The following ENPP3 variants were observed in gnomAD, a reference collection of about 807,000 sequenced individuals.
ENPP3 encodes ectonucleotide pyrophosphatase/phosphodiesterase family member 3.
A neutral mutation model predicts 117.8 loss-of-function variants in ENPP3; 104 were observed. The ratio of observed to expected loss-of-function variants is 0.88; its 90% CI spans 0.75 to 1.04. The LOEUF is 1.04. Among genes scored for constraint, ENPP3 ranks in the 50% least tolerant of loss-of-function variants. The probability of loss-of-function intolerance (pLI) is 0.00; values close to 1 mark genes in which losing one functional copy is unlikely to be tolerated. For missense variants in ENPP3, 1,026 were observed against 1,051.9 expected (o/e 0.98, Z 0.34); for synonymous variants, 380 against 349.9 (o/e 1.09, Z -0.96).
chr6:131,701,513 A>C (rs1289740340), intron 15 of ENPP3: 2 of 559,050 alleles, frequency 3.6e-6, no homozygotes, highest in Non-Finnish European at 6.4e-6. Flanking sequence ...AAGTGTTCAG[A>C]CAGCTGCAGT....
intron 2 of ENPP3, 45 bp downstream of exon 2, chr6:131,641,575 C>G (rs1245811622): frequency 1.7e-6 from 2 of 1,202,570 alleles, no homozygotes; most frequent in East Asian, 2.3e-5. Context: ...TATTTCTTCT[C>G]TCTTCTGGCC....
At chr6:131,723,130 C>A (rs1159875234) in intron 18 of ENPP3, among the ~76,000 whole-genome samples, 2 of 152,146 alleles carry the variant, frequency 1.3e-5, no homozygotes, top group East Asian at 3.9e-4. Flanking sequence ...AAATTAATGT[C>A]AAGGGTCATT....
chr6:131,719,361 A>G (rs1300638076), intron 16 of ENPP3, among the ~76,000 whole-genome samples: 4 of 144,184 alleles, frequency 2.8e-5, no homozygotes, highest in Non-Finnish European at 6.0e-5. Flanking sequence ...CAACCTGGTT[A>G]TCTCATCTAC....
At chr6:131,727,540 A>C (rs1019795356) in intron 20 of ENPP3, among the ~76,000 whole-genome samples, 1 of 133,116 alleles carries the variant, frequency 7.5e-6, no homozygotes, top group Non-Finnish European at 1.5e-5. Context: ...GAGCAACAAC[A>C]GTGAAAGTCC....
In ENPP3 at chr6:131,677,870, C is replaced by A; in HGVS notation, c.941C>A (p.Pro314His). 6.3e-7 allele frequency: 1 copy of A among 1,597,012 alleles called. No homozygotes were observed. The highest frequency in any genetic ancestry group is 8.6e-7 in the Non-Finnish European group (1 of 1,164,954). Reference protein sequence around the residue: ...KWLDLPKAERPRFYTMYFEEP... With the variant: ...KWLDLPKAERHRFYTMYFEEP... ...TTCTGTTTCAATTTTACCCCTAGAC[C>A]CAGGTTTTATACCATGTATTTTGAA... Residue 314 changes from proline to histidine, a missense_variant and splice_region_variant, in exon 11 of 25, where the codon CCC (proline) becomes CAC (histidine). Coordinates refer to ENST00000357639, the MANE Select transcript of ENPP3 (RefSeq NM_005021.5).
Position 131,733,618 on chromosome 6 carries a change from C to G in ENPP3, c.1984C>G (p.Pro662Ala), listed in dbSNP as rs1780332829. The G allele has an allele frequency of 6.2e-7, 1 of 1,614,014 alleles. No individual in the cohort carries two copies. The highest frequency in any genetic ancestry group is 8.5e-7 in the Non-Finnish European group (1 of 1,179,940). Residue 662 changes from proline (P) to alanine (A), a missense_variant, in exon 21 of 25, where the codon CCA becomes GCA. Physicochemically the swap from Pro to Ala is conservative, Grantham distance 27 (BLOSUM62 -1). Coordinates refer to ENST00000357639, the MANE Select transcript of ENPP3 (RefSeq NM_005021.5). The stretch of plus-strand genomic sequence containing the variant: ...CACATCGCCTCTGCCTCCCACTGTC[C>G]CAGACTGTCTGCGGGCTGATGTCAG... ...GDTSPLPPTV[P>A]DCLRADVRVP...
chr6:131,739,667 G>C (rs962738574), intron 23 of ENPP3, among the ~76,000 whole-genome samples: 1 of 126,870 alleles, frequency 7.9e-6, no homozygotes, highest in Admixed American at 1.1e-4. Context: ...GACTTCTACT[G>C]TAATCTCTAT....
intron 11 of ENPP3, among the ~76,000 whole-genome samples, chr6:131,679,027 T>TCTCTC (rs1562446886): frequency 2.6e-5 from 2 of 75,822 alleles, no homozygotes; most frequent in African/African-American, 1.3e-4. Flanking sequence ...CCTTCCTTCC[T>TCTCTC]TCTTTCTTTC....
chr6:131,737,474 G>T, intron 22 of ENPP3, 42 bp downstream of exon 22: 1 of 1,135,936 alleles, frequency 8.8e-7, no homozygotes, highest in South Asian at 1.3e-5. Flanking sequence ...ATAGTTAAGT[G>T]ACTCCTTGAA....
chr6:131,638,301 C>CT (rs1206087759), intron 1 of ENPP3: 4 of 242,706 alleles, frequency 1.6e-5, no homozygotes, highest in East Asian at 2.5e-4. Context: ...CATTTTATGA[C>CT]TTTTTTCCTT....
intron 14 of ENPP3, among the ~76,000 whole-genome samples, chr6:131,692,824 A>T (rs1779311028): frequency 7.1e-6 from 1 of 141,020 alleles, no homozygotes; most frequent in South Asian, 2.1e-4. Context: ...GATATATGAT[A>T]TGATATGTAT....
chr6:131,674,069 T>C (rs6930385), intron 7 of ENPP3, 93 bp from the exon 8 acceptor site: 514,661 of 731,574 alleles, frequency 0.7, 185,745 homozygotes, highest in East Asian at 0.97. Flanking sequence ...AGTACCTTTC[T>C]TAGGTATGAG....
chr6:131,722,962 G>C (rs991140074), intron 18 of ENPP3, among the ~76,000 whole-genome samples: 1 of 152,174 alleles, frequency 6.6e-6, no homozygotes, highest in Non-Finnish European at 1.5e-5. Flanking sequence ...CTTTCAATAA[G>C]GTGAGGTTTT....
intron 1 of ENPP3, among the ~76,000 whole-genome samples, chr6:131,637,910 A>C (rs941575550): frequency 1.3e-5 from 2 of 151,620 alleles, no homozygotes; most frequent in African/African-American, 4.9e-5. Context: ...TCATGTGGTA[A>C]GATCTGCCAC....
chr6:131,709,785 C>A (rs1266909380), intron 15 of ENPP3: 15 of 1,613,526 alleles, frequency 9.3e-6, no homozygotes, highest in Non-Finnish European at 1.2e-5. Context: ...TCTCTTCTTC[C>A]TCTATTCGGT....
At chr6:131,706,790 G>A (rs1349660383) in intron 15 of ENPP3, among the ~76,000 whole-genome samples, 150 of 152,000 alleles carry the variant, frequency 9.9e-4, no homozygotes, top group Non-Finnish European at 1.5e-3. Flanking sequence ...ACAATCCCCC[G>A]CTGGACATGG....
At chr6:131,679,900 A>T (rs1778986474) in intron 11 of ENPP3, among the ~76,000 whole-genome samples, 1 of 152,194 alleles carries the variant, frequency 6.6e-6, no homozygotes, top group African/African-American at 2.4e-5. Context: ...TATGAGAATT[A>T]TCTCCCACCA....
chr6:131,669,414 T>C (rs1778691028), intron 6 of ENPP3, among the ~76,000 whole-genome samples: 1 of 152,058 alleles, frequency 6.6e-6, no homozygotes, highest in Non-Finnish European at 1.5e-5. Flanking sequence ...GGCTTACATC[T>C]ATAATCCCAG....
intron 14 of ENPP3, among the ~76,000 whole-genome samples, chr6:131,689,964 A>G (rs1435891838): frequency 6.6e-6 from 1 of 152,160 alleles, no homozygotes; most frequent in Non-Finnish European, 1.5e-5. Flanking sequence ...GAGAACTAGA[A>G]TCAGAAATGG....
Sources: gnomAD v4.1 joint callset for allele counts (sites outside exome capture counted in the v4.1 genomes callset) on GRCh38, gnomAD v4.1.1 for gene constraint, MANE v1.5 for transcripts, NCBI Gene and HGNC (gene_info 2026-07-23, HGNC 2026-07-21) for gene names.